The following MCUB variants were observed in gnomAD, a reference collection of about 807,000 sequenced individuals.
MCUB encodes the protein calcium uniporter regulatory subunit MCUb, mitochondrial.
A neutral mutation model predicts 41.4 loss-of-function variants in MCUB; 46 were observed. That is an observed-to-expected ratio of 1.11 (90% confidence interval 0.88 to 1.42). The LOEUF is 1.42. MCUB is among the 40% of genes most tolerant of loss of function. The pLI, the probability that MCUB is intolerant of heterozygous loss-of-function variation, is 0.00. For missense variants in MCUB, 403 were observed against 404.9 expected (o/e 1.00, Z 0.04); for synonymous variants, 148 against 148.2 (o/e 1.00, Z 0.01).
intron 1 of MCUB, among the ~76,000 whole-genome samples, chr4:109,640,173 G>A (rs1452163850): frequency 6.6e-6 from 1 of 152,192 alleles, no homozygotes; most frequent in Non-Finnish European, 1.5e-5. Flanking sequence ...TAAGGGCAGG[G>A]GAATATCTCA....
chr4:109,598,927 A>T (rs935299963), intron 1 of MCUB, among the ~76,000 whole-genome samples: 1 of 152,220 alleles, frequency 6.6e-6, no homozygotes, highest in South Asian at 2.1e-4. Context: ...GCTATTCTCT[A>T]TCAGCCAAAT....
chr4:109,653,878 G>C (rs967021972), intron 1 of MCUB, among the ~76,000 whole-genome samples: 9 of 152,002 alleles, frequency 5.9e-5, no homozygotes, highest in African/African-American at 1.9e-4. Context: ...CCCAGCCTAA[G>C]ATGGGCTTTT....
At chr4:109,630,141 C>T (rs1228030011) in intron 1 of MCUB, among the ~76,000 whole-genome samples, 3 of 103,520 alleles carry the variant, frequency 2.9e-5, no homozygotes, top group Non-Finnish European at 6.6e-5. Flanking sequence ...GGAAACATAG[C>T]TGCTTTTTTT....
intron 1 of MCUB, among the ~76,000 whole-genome samples, chr4:109,597,810 T>C (rs1309647903): frequency 1.4e-5 from 2 of 145,214 alleles, no homozygotes; most frequent in African/African-American, 2.6e-5. Flanking sequence ...GGGCAGCTGC[T>C]GGGCAGAGGG....
intron 1 of MCUB, among the ~76,000 whole-genome samples, chr4:109,641,524 A>T (rs1431861146): frequency 2.6e-5 from 4 of 152,238 alleles, no homozygotes; most frequent in Non-Finnish European, 5.9e-5. Context: ...ATGTAATAGT[A>T]ATGATAGTTT....
chr4:109,684,693 G>T (rs200680035), intron 6 of MCUB, 47 bp downstream of exon 6: 1 of 907,142 alleles, frequency 1.1e-6, no homozygotes, highest in African/African-American at 1.6e-5. Context: ...TCTTTGCAAA[G>T]AATGTCTTAT....
At chr4:109,574,544 C>T (rs191696710) in intron 1 of MCUB, among the ~76,000 whole-genome samples, 14 of 152,252 alleles carry the variant, frequency 9.2e-5, no homozygotes, top group Non-Finnish European at 1.8e-4. Flanking sequence ...TCTTTTCCTC[C>T]GTCAGTGGCT....
At chr4:109,566,275 C>T (rs1363558105) in intron 1 of MCUB, among the ~76,000 whole-genome samples, 2 of 151,570 alleles carry the variant, frequency 1.3e-5, no homozygotes, top group Non-Finnish European at 2.9e-5. Context: ...CGAGACTATC[C>T]TGGCTAACAC....
At chr4:109,575,685 T>C (rs992249818) in intron 1 of MCUB, among the ~76,000 whole-genome samples, 1 of 152,204 alleles carries the variant, frequency 6.6e-6, no homozygotes, top group African/African-American at 2.4e-5. Flanking sequence ...AGAGAAAATA[T>C]ACCACCTTAA....
intron 1 of MCUB, among the ~76,000 whole-genome samples, chr4:109,650,056 C>G (rs1444157700): frequency 6.6e-6 from 1 of 152,092 alleles, no homozygotes; most frequent in Non-Finnish European, 1.5e-5. Context: ...TATCATATCC[C>G]CCTATCAAGG....
intron 1 of MCUB, among the ~76,000 whole-genome samples, chr4:109,564,402 T>C (rs1022903445): frequency 6.6e-6 from 1 of 152,132 alleles, no homozygotes; most frequent in African/African-American, 2.4e-5. Flanking sequence ...CCTCCCAAAG[T>C]GCTGGGATTA....
chr4:109,577,879 G>T lies in MCUB; in HGVS notation c.99+17443G>T, dbSNP rs1727070636. On this transcript the variant is annotated intron_variant, in intron 1 of 7. Coordinates refer to ENST00000394650, the MANE Select transcript of MCUB (RefSeq NM_017918.5). The stretch of plus-strand genomic sequence containing the variant: ...CCCGCCTCGGCCTCCCAAAGTGCTG[G>T]GATTACAGGTGTGAGCCACCGCGCC... Among the ~76,000 whole-genome samples the T allele has an allele frequency of 1.4e-5, 2 of 147,718 alleles. 1 individual carries two copies. Among genetic ancestry groups the T allele is most frequent in the Non-Finnish European group, 3.0e-5 (2 of 67,040 alleles).
rs560334851 is a variant in MCUB, at chr4:109,664,053, C to G, written c.347-237C>G. Among the ~76,000 whole-genome samples the G allele has an allele frequency of 7.7e-4, 117 of 152,324 alleles. 1 individual carries two copies. The highest frequency in any genetic ancestry group is 1.7e-3 in the Admixed American group (26 of 15,308). ...ACTACCTGGATTCCAGCACAGCTGA[C>G]AGGGTGGGAGAGGGAGTGCCTGCCT... On this transcript the variant is annotated intron_variant, in intron 3 of 7. Transcript: ENST00000394650.
chr4:109,604,488 T>C (rs1479952651), intron 1 of MCUB, among the ~76,000 whole-genome samples: 1 of 152,236 alleles, frequency 6.6e-6, no homozygotes, highest in Non-Finnish European at 1.5e-5. Context: ...CTTCTTCCTT[T>C]CCAGTTTGGA....
Position 109,658,869 on chromosome 4 carries a change from C to T in MCUB, c.100-142C>T, listed in dbSNP as rs1729163701. On this transcript the variant is annotated intron_variant, in intron 1 of 7. Coordinates refer to ENST00000394650, the MANE Select transcript of MCUB (RefSeq NM_017918.5). The stretch of plus-strand genomic sequence containing the variant: ...AGGTTCAGTGAGCTTGCCAAGGGCT[C>T]ACCCTGGGATGCATGACAAGTTGAG... The T allele has an allele frequency of 9.5e-6, 6 of 630,820 alleles. No homozygotes were observed. In the South Asian group the frequency reaches 9.5e-5, roughly 10 times the overall value. The allele number at this position is 630,820 out of a possible 1,614,324, so 39.1% of individuals were successfully genotyped here.
chr4:109,627,056 CAT>C (rs767068313), intron 1 of MCUB, among the ~76,000 whole-genome samples: 11 of 152,094 alleles, frequency 7.2e-5, no homozygotes, highest in South Asian at 2.1e-4. Flanking sequence ...TTGCTAATGT[CAT>C]ATGTTGAATT....
intron 1 of MCUB, among the ~76,000 whole-genome samples, chr4:109,656,372 TTTTTTTTTTTTTTTTTTTTTG>T (rs1489911105): frequency 4.0e-5 from 4 of 99,268 alleles, no homozygotes; most frequent in South Asian, 4.2e-4. Context: ...TTTTTTTTTT[TTTTTTTTTTTTTTTTTTTTTG>T]GAGACAGGGT....
chr4:109,652,221 C>G (rs1728977655), intron 1 of MCUB, among the ~76,000 whole-genome samples: 1 of 152,092 alleles, frequency 6.6e-6, no homozygotes, highest in Non-Finnish European at 1.5e-5. Flanking sequence ...CAGTCACATT[C>G]TGAGGTACTA....
intron 1 of MCUB, among the ~76,000 whole-genome samples, chr4:109,612,847 C>A (rs982267845): frequency 1.3e-5 from 2 of 152,280 alleles, no homozygotes; most frequent in African/African-American, 2.4e-5. Flanking sequence ...TGTCTCACGC[C>A]TGTAATCCCA....
Sources: allele counts gnomAD v4.1 joint callset (sites outside exome capture counted in the v4.1 genomes callset), GRCh38; gene constraint gnomAD v4.1.1; transcripts MANE v1.5; gene names NCBI Gene and HGNC (gene_info 2026-07-23, HGNC 2026-07-21).